Variants in NKAIN2 observed in about 807,000 individuals in gnomAD.
NKAIN2 encodes the protein sodium/potassium transporting ATPase interacting 2.
A neutral mutation model predicts 32.6 loss-of-function variants in NKAIN2; 14 were observed. The ratio of observed to expected loss-of-function variants is 0.43; its 90% confidence interval spans 0.28 to 0.67. NKAIN2 has a LOEUF of 0.67. NKAIN2 is among the 30% of genes least tolerant of loss of function. The pLI is 0.17. For missense variants in NKAIN2, 198 were observed against 258.3 expected, an observed-to-expected ratio of 0.77 and a Z score of 1.60; for synonymous variants, 80 against 87.2, an observed-to-expected ratio of 0.92 and a Z score of 0.46.
chr6:124,129,926 C>T (rs1016152101), intron 1 of NKAIN2, among the ~76,000 whole-genome samples: 6 of 152,122 alleles, frequency 3.9e-5, no homozygotes, highest in African/African-American at 1.4e-4. Context: ...CACTGAAGAG[C>T]AATTTTTTAA....
At chr6:124,136,522 G>C (rs559325285) in intron 1 of NKAIN2, among the ~76,000 whole-genome samples, 2 of 151,938 alleles carry the variant, frequency 1.3e-5, no homozygotes, top group Non-Finnish European at 2.9e-5. Context: ...CAGTATTATC[G>C]TTAATACCAA....
intron 3 of NKAIN2, among the ~76,000 whole-genome samples, chr6:124,586,404 C>G (rs762160509): frequency 7.9e-5 from 12 of 152,064 alleles, no homozygotes; most frequent in Non-Finnish European, 1.5e-4. Context: ...AGAGTACACA[C>G]AGACACAAAA....
chr6:124,394,893 C>A (rs565130110), intron 3 of NKAIN2, among the ~76,000 whole-genome samples: 9 of 152,100 alleles, frequency 5.9e-5, no homozygotes, highest in Admixed American at 2.0e-4. Flanking sequence ...AACCATCACA[C>A]CCCCAGAAGA....
intron 1 of NKAIN2, among the ~76,000 whole-genome samples, chr6:123,982,851 G>A (rs1297795786): frequency 1.3e-5 from 2 of 152,070 alleles, no homozygotes; most frequent in African/African-American, 2.4e-5. Flanking sequence ...ATCAATATGA[G>A]ATGCAAAAGA....
intron 4 of NKAIN2, among the ~76,000 whole-genome samples, chr6:124,764,046 A>G (rs1300422999): frequency 6.6e-6 from 1 of 152,116 alleles, no homozygotes; most frequent in Non-Finnish European, 1.5e-5. Context: ...TTATATCAGT[A>G]TTTCTCCAAC....
intron 1 of NKAIN2, among the ~76,000 whole-genome samples, chr6:124,127,330 T>G (rs1248039537): frequency 2.0e-5 from 3 of 152,148 alleles, no homozygotes; most frequent in East Asian, 1.9e-4. Context: ...CTACCTAGTA[T>G]AAAGGCTTCA....
intron 1 of NKAIN2, among the ~76,000 whole-genome samples, chr6:124,113,233 A>G (rs942780200): frequency 6.6e-6 from 1 of 152,032 alleles, no homozygotes; most frequent in African/African-American, 2.4e-5. Context: ...CAGGAAGGGA[A>G]GGCTTTTGTC....
chr6:124,481,703 A>G (rs1405582024), intron 3 of NKAIN2, among the ~76,000 whole-genome samples: 1 of 152,162 alleles, frequency 6.6e-6, no homozygotes, highest in African/African-American at 2.4e-5. Context: ...CTAAATTTGC[A>G]TGCTTGTAAA....
chr6:124,313,807 A>T (rs560580043), intron 2 of NKAIN2, among the ~76,000 whole-genome samples: 54 of 152,242 alleles, frequency 3.5e-4, no homozygotes, highest in Non-Finnish European at 6.8e-4. Context: ...TGGCAAAATC[A>T]ATTTTCAATG....
At chr6:124,400,549 C>T (rs2114454242) in intron 3 of NKAIN2, among the ~76,000 whole-genome samples, 1 of 152,258 alleles carries the variant, frequency 6.6e-6, no homozygotes, top group South Asian at 2.1e-4. Flanking sequence ...CAGCAGTACT[C>T]AATATCCTGG....
chr6:124,177,227 C>G (rs778268402), intron 1 of NKAIN2, among the ~76,000 whole-genome samples: 13 of 151,976 alleles, frequency 8.6e-5, no homozygotes, highest in African/African-American at 2.4e-4. Context: ...TTGGAGAAAA[C>G]AAAAAAGCAT....
intron 3 of NKAIN2, among the ~76,000 whole-genome samples, chr6:124,649,600 C>A (rs1054796444): frequency 6.6e-6 from 1 of 152,142 alleles, no homozygotes; most frequent in African/African-American, 2.4e-5. Flanking sequence ...ACACTAACTT[C>A]GTAACACAGT....
At chr6:124,745,656 T>C (rs1204255469) in intron 4 of NKAIN2, among the ~76,000 whole-genome samples, 1 of 151,906 alleles carries the variant, frequency 6.6e-6, no homozygotes, top group African/African-American at 2.4e-5. Context: ...AGAATAATTG[T>C]AGAGACTTAA....
chr6:123,944,172 CCTTTCT>C (rs1315469002), intron 1 of NKAIN2, among the ~76,000 whole-genome samples: 1 of 151,964 alleles, frequency 6.6e-6, no homozygotes, highest in Non-Finnish European at 1.5e-5. Flanking sequence ...TTCTGGAGTG[CCTTTCT>C]TAGTTTCTGA....
intron 3 of NKAIN2, among the ~76,000 whole-genome samples, chr6:124,513,423 G>A (rs1340978776): frequency 6.6e-6 from 1 of 152,054 alleles, no homozygotes; most frequent in African/African-American, 2.4e-5. Context: ...CTACCATTTT[G>A]TGGCAATATT....
At chr6:124,451,497 G>A (rs909172940) in intron 3 of NKAIN2, among the ~76,000 whole-genome samples, 1 of 152,126 alleles carries the variant, frequency 6.6e-6, no homozygotes, top group African/African-American at 2.4e-5. Context: ...CTGGAGTATT[G>A]TTTGCATTAC....
At chr6:124,404,145 G>T (rs980220146) in intron 3 of NKAIN2, among the ~76,000 whole-genome samples, 1 of 152,048 alleles carries the variant, frequency 6.6e-6, no homozygotes, top group African/African-American at 2.4e-5. Flanking sequence ...CCTTCATCGT[G>T]GATGTTTATT....
chr6:124,364,702 C>T (rs560067384), intron 3 of NKAIN2, among the ~76,000 whole-genome samples: 3 of 151,670 alleles, frequency 2.0e-5, no homozygotes, highest in African/African-American at 7.2e-5. Flanking sequence ...TAAATAATTA[C>T]TAGCAAACTT....
At chr6:124,116,994 T>C (rs79051359) in intron 1 of NKAIN2, among the ~76,000 whole-genome samples, 7,066 of 152,128 alleles carry the variant, frequency 0.046, 556 homozygotes, top group African/African-American at 0.16. Context: ...GAATACGGGA[T>C]GGATATAAAA....
Sources: gnomAD v4.1 joint callset for allele counts (sites outside exome capture counted in the v4.1 genomes callset) on GRCh38, gnomAD v4.1.1 for gene constraint, MANE v1.5 for transcripts, NCBI Gene and HGNC (gene_info 2026-07-23, HGNC 2026-07-21) for gene names.